The following TCERG1L variants were observed in gnomAD, a reference collection of about 807,000 sequenced individuals.
TCERG1L encodes transcription elongation regulator 1-like protein.
Under a neutral mutation model 56.3 loss-of-function variants are expected in TCERG1L, and 37 were observed. That is an observed-to-expected ratio of 0.66 (90% CI 0.51 to 0.87). The LOEUF (loss-of-function observed/expected upper bound fraction) is 0.87. Ranked by LOEUF, TCERG1L falls within the 40% of genes least tolerant of loss-of-function variation. The pLI is 0.00. For missense variants in TCERG1L, 799 were observed against 774.2 expected, an observed-to-expected ratio of 1.03 and a Z score of -0.38; for synonymous variants, 324 against 326.3, an observed-to-expected ratio of 0.99 and a Z score of 0.08.
At chr10:131,257,289 C>T (rs1365807917) in intron 4 of TCERG1L, among the ~76,000 whole-genome samples, 1 of 152,156 alleles carries the variant, frequency 6.6e-6, no homozygotes, top group African/African-American at 2.4e-5. Flanking sequence ...ACAAAGGACA[C>T]CCCATCCCCT....
chr10:131,267,348 G>A lies in TCERG1L; in HGVS notation c.671-6904C>T, dbSNP rs1846297934. 6.6e-6 allele frequency among the ~76,000 whole-genome samples: 1 copy of A among 152,168 alleles called. No homozygotes were observed. Among genetic ancestry groups the A allele is most frequent in the South Asian group, 2.1e-4 (1 of 4,814 alleles). On this transcript the variant is annotated intron_variant, in intron 3 of 11. Coordinates refer to ENST00000368642, the MANE Select transcript of TCERG1L (RefSeq NM_174937.4). This position sits in a 1 kb window ranked among gnomAD's most constrained non-coding sequence, Gnocchi z 4.9. Reference sequence around the variant, plus strand: ...TCGGAGTAAGCACTGGAAGCAGGGAGAGGCCAGGCAGCAGGAGCAGATACC... The same window carrying A: ...TCGGAGTAAGCACTGGAAGCAGGGAAAGGCCAGGCAGCAGGAGCAGATACC...
At chr10:131,295,311 C>T (rs1029181058) in intron 3 of TCERG1L, among the ~76,000 whole-genome samples, 5 of 152,172 alleles carry the variant, frequency 3.3e-5, no homozygotes, top group Non-Finnish European at 7.3e-5. Flanking sequence ...AGGAAAAATA[C>T]GTAAGAGTGA....
intron 3 of TCERG1L, among the ~76,000 whole-genome samples, chr10:131,306,079 T>C (rs1398380095): frequency 6.6e-6 from 1 of 152,040 alleles, no homozygotes; most frequent in African/African-American, 2.4e-5. Context: ...ATTAAAACGA[T>C]TTACCTCAAT....
In TCERG1L at chr10:131,098,393, T is replaced by C; in HGVS notation, c.1517A>G (p.Lys506Arg). The change falls in exon 11 of 12, where the codon AAA becomes AGA. Residue 506 changes from lysine (K) to arginine (R), a missense_variant. By Grantham distance (26) the Lys-to-Arg change is conservative. Transcript: ENST00000368642. ...IFEQFVKTRI[K>R]EEYKEKKSKL... is the part of the protein sequence containing the mutation. ...ACTTTTCTTTTCCTTGTATTCTTCT[T>C]TTATTCTTGTCTTGACAAACTGTTC... The C allele has an allele frequency of 1.9e-6, 3 of 1,550,020 alleles. No homozygotes were observed.
chr10:131,143,319 T>C (rs1336268498), intron 7 of TCERG1L, among the ~76,000 whole-genome samples: 2 of 152,068 alleles, frequency 1.3e-5, no homozygotes, highest in Non-Finnish European at 2.9e-5. Context: ...CTTCACTTCT[T>C]ACCCCAGGGC....
At chr10:131,178,781 TGAA>T (rs1845138675) in intron 4 of TCERG1L, among the ~76,000 whole-genome samples, 1 of 152,122 alleles carries the variant, frequency 6.6e-6, no homozygotes, top group Non-Finnish European at 1.5e-5. Flanking sequence ...CGCTCCAGGA[TGAA>T]GATCTGGCTC....
chr10:131,159,884 C>T (rs1242681883), intron 6 of TCERG1L, among the ~76,000 whole-genome samples: 2 of 152,146 alleles, frequency 1.3e-5, no homozygotes, highest in Non-Finnish European at 2.9e-5. Context: ...TCTGCAATGT[C>T]GAAGGTGCCT....
intron 6 of TCERG1L, chr10:131,161,803 GA>G (rs1325259754): frequency 6.6e-6 from 1 of 152,260 alleles, no homozygotes; most frequent in Non-Finnish European, 1.5e-5. Context: ...CTAAAACATT[GA>G]GGTTCAGAGT....
chr10:131,128,027 A>G (rs1220486946), intron 8 of TCERG1L, among the ~76,000 whole-genome samples: 3 of 152,242 alleles, frequency 2.0e-5, no homozygotes, highest in African/African-American at 7.2e-5. Context: ...AAAGAAAAAA[A>G]TAGATGTTAT....
rs1406065647 is a variant in TCERG1L, at chr10:131,311,331, G to A, written c.305C>T (p.Ala102Val). 10 of 1,207,166 alleles carry A rather than the reference G, an allele frequency of 8.3e-6. No homozygotes were observed. Among genetic ancestry groups the A allele is most frequent in the Non-Finnish European group, 1.0e-5 (10 of 973,022 alleles). 74.8% of individuals were successfully genotyped at this position (1,207,166 alleles called of 1,614,324 possible). A position where few individuals can be genotyped will look rare whatever the true frequency, so the allele number is the denominator to read the frequency against. ...CGCGGGGAAGGGGTGCGCGGCGGCG[G>A]CGGCGGCGGAGTCTGGCGCAGAGGG... ...PLPSAPDSAA[A>V]AAAHPFPALH... is the part of the protein sequence containing the mutation. Residue 102 changes from alanine to valine, a missense_variant, in exon 1 of 12, where the codon GCC becomes GTC. By Grantham distance (64) the Ala-to-Val change is moderately conservative (BLOSUM62 0). Coordinates refer to ENST00000368642, the MANE Select transcript of TCERG1L (RefSeq NM_174937.4). This position sits in a 1 kb window ranked among gnomAD's most constrained non-coding sequence, Gnocchi z 4.0.
chr10:131,279,954 G>A (rs1177195328), intron 3 of TCERG1L, among the ~76,000 whole-genome samples: 1 of 152,130 alleles, frequency 6.6e-6, no homozygotes, highest in Non-Finnish European at 1.5e-5. Context: ...CATGTGGAAT[G>A]CGACCCAGCA....
intron 5 of TCERG1L, among the ~76,000 whole-genome samples, chr10:131,165,141 C>A (rs959335778): frequency 2.6e-5 from 4 of 152,198 alleles, no homozygotes; most frequent in Non-Finnish European, 5.9e-5. Context: ...GGCTATTTGG[C>A]AGAACCATGG....
At chr10:131,117,645 G>A (rs1025711986) in intron 8 of TCERG1L, among the ~76,000 whole-genome samples, 48 of 152,250 alleles carry the variant, frequency 3.2e-4, no homozygotes, top group East Asian at 3.9e-4. Context: ...GGAAGGGAGG[G>A]ACCCCACGAG....
chr10:131,172,577 C>T (rs1846105114), intron 4 of TCERG1L, among the ~76,000 whole-genome samples: 1 of 152,268 alleles, frequency 6.6e-6, no homozygotes, highest in Non-Finnish European at 1.5e-5. Flanking sequence ...TGAGGAGCAT[C>T]CATATCACGC....
intron 7 of TCERG1L, among the ~76,000 whole-genome samples, chr10:131,141,011 G>C (rs944445580): frequency 6.6e-6 from 1 of 152,176 alleles, no homozygotes; most frequent in African/African-American, 2.4e-5. Flanking sequence ...AGAGAAATTT[G>C]ATGGGTGTGG....
At chr10:131,123,492 G>A (rs964937360) in intron 8 of TCERG1L, among the ~76,000 whole-genome samples, 4 of 152,162 alleles carry the variant, frequency 2.6e-5, no homozygotes, top group African/African-American at 9.6e-5. Context: ...ATGTTCTAGA[G>A]ACAGTGGCAA....
At chr10:131,119,101 G>C (rs1845487865) in intron 8 of TCERG1L, among the ~76,000 whole-genome samples, 2 of 152,182 alleles carry the variant, frequency 1.3e-5, no homozygotes, top group Non-Finnish European at 2.9e-5. Flanking sequence ...AGGTCATCTA[G>C]TGGCCAGACC....
chr10:131,150,894 C>T lies in TCERG1L; in HGVS notation c.1035-4234G>A, dbSNP rs11017762. ...GGCCTCAGGAAACTTACAATCATGG[C>T]AGAAGGCACCTCTTCACAGGGCAGC... On this transcript the variant is annotated intron_variant, in intron 6 of 11. Transcript: ENST00000368642. Among the ~76,000 whole-genome samples the T allele has an allele frequency of 2.0e-4, 31 of 152,290 alleles. No homozygotes were observed. The East Asian group carries it at 5.2e-3, about 26-fold the overall frequency.
chr10:131,311,321 C>CGCG lies in TCERG1L; in HGVS notation c.312_314dup (p.Ala105dup), dbSNP rs576396565. 30,849 of 1,187,168 alleles carry CGCG rather than the reference C, an allele frequency of 0.026. 361 individuals carry two copies. Among genetic ancestry groups the CGCG allele is most frequent in the Non-Finnish European group, 0.029 (27,511 of 956,650 alleles). The allele number at this position is 1,187,168 out of a possible 1,614,324, so 73.5% of individuals were successfully genotyped here. Reference sequence around the variant, plus strand: ...GCCCGTGGAGCGCGGGGAAGGGGTGCGCGGCGGCGGCGGCGGCGGAGTCTG... The same window carrying CGCG: ...GCCCGTGGAGCGCGGGGAAGGGGTGCGCGGCGGCGGCGGCGGCGGCGGAGTCTG... On this transcript the variant is annotated inframe_insertion, in exon 1 of 12. Transcript: ENST00000368642. This position sits in a 1 kb window ranked among gnomAD's most constrained non-coding sequence, Gnocchi z 4.0.
Sources: gnomAD v4.1 joint callset for allele counts (sites outside exome capture counted in the v4.1 genomes callset) on GRCh38, gnomAD v4.1.1 for gene constraint, Gnocchi (gnomAD v3.1) non-coding constraint, MANE v1.5 for transcripts, NCBI Gene and HGNC (gene_info 2026-07-23, HGNC 2026-07-21) for gene names.